The following ADAMTS19 variants were observed in gnomAD, a reference collection of about 807,000 sequenced individuals.
ADAMTS19 encodes ADAM metallopeptidase with thrombospondin type 1 motif 19, also known as A disintegrin and metalloproteinase with thrombospondin motifs 19.
Under a neutral mutation model 153.3 loss-of-function variants are expected in ADAMTS19, and 93 were observed. That is an observed-to-expected ratio of 0.61 (90% CI 0.51 to 0.72). The LOEUF (loss-of-function observed/expected upper bound fraction) is 0.72, where lower values mean the gene tolerates loss of function less well. Among genes scored for constraint, ADAMTS19 ranks in the 30% least tolerant of loss-of-function variants. The pLI is 0.00. For missense variants in ADAMTS19, 1,482 were observed against 1,552.1 expected, an observed-to-expected ratio of 0.95 and a Z score of 0.76; for synonymous variants, 600 against 556.6, an observed-to-expected ratio of 1.08 and a Z score of -1.10.
chr5:129,707,305 G>A, intron 21 of ADAMTS19, among the ~76,000 whole-genome samples: 1 of 152,212 alleles, frequency 6.6e-6, no homozygotes, highest in Non-Finnish European at 1.5e-5. Flanking sequence ...TTGCTTGTTG[G>A]CCTGTTTGTT....
At chr5:129,633,603 A>G (rs1307865870) in intron 10 of ADAMTS19, among the ~76,000 whole-genome samples, 1 of 152,190 alleles carries the variant, frequency 6.6e-6, no homozygotes, top group African/African-American at 2.4e-5. Flanking sequence ...AGCCTAAAAT[A>G]TGTACTATTT....
intron 2 of ADAMTS19, among the ~76,000 whole-genome samples, chr5:129,507,006 C>T (rs932981691): frequency 3.3e-5 from 5 of 152,024 alleles, no homozygotes; most frequent in Admixed American, 2.6e-4. Context: ...AAGTTATGAA[C>T]CCAGTTCAGA....
chr5:129,492,821 A>G (rs1416625189), intron 2 of ADAMTS19, among the ~76,000 whole-genome samples: 1 of 152,192 alleles, frequency 6.6e-6, no homozygotes, highest in African/African-American at 2.4e-5. Flanking sequence ...AGCCAGATTT[A>G]GACTATATAA....
At chr5:129,727,778 A>G (rs1458572892) in intron 21 of ADAMTS19, among the ~76,000 whole-genome samples, 2 of 152,190 alleles carry the variant, frequency 1.3e-5, no homozygotes, top group African/African-American at 4.8e-5. Flanking sequence ...TAAACACTAA[A>G]TAAGTACTAG....
chr5:129,664,500 A>G (rs1442387153), intron 15 of ADAMTS19, among the ~76,000 whole-genome samples: 1 of 152,138 alleles, frequency 6.6e-6, no homozygotes, highest in African/African-American at 2.4e-5. Flanking sequence ...AATGGAAATT[A>G]TGATTCTAAA....
chr5:129,557,989 G>C (rs968508256), intron 7 of ADAMTS19, among the ~76,000 whole-genome samples: 9 of 151,542 alleles, frequency 5.9e-5, no homozygotes, highest in Non-Finnish European at 1.0e-4. Context: ...TCCAATTAAA[G>C]ATAAAAACCA....
intron 2 of ADAMTS19, among the ~76,000 whole-genome samples, chr5:129,465,054 C>T (rs1749806421): frequency 6.6e-6 from 1 of 152,132 alleles, no homozygotes; most frequent in Non-Finnish European, 1.5e-5. Context: ...CAGGGAAATA[C>T]AATAGGTTGA....
chr5:129,529,835 T>C (rs1479198071), intron 6 of ADAMTS19, among the ~76,000 whole-genome samples: 2 of 152,052 alleles, frequency 1.3e-5, no homozygotes, highest in African/African-American at 4.8e-5. Context: ...AAATTTACCA[T>C]AGGATTGCTG....
intron 2 of ADAMTS19, among the ~76,000 whole-genome samples, chr5:129,505,257 C>T (rs2126718118): frequency 6.6e-6 from 1 of 152,114 alleles, no homozygotes; most frequent in East Asian, 1.9e-4. Flanking sequence ...GAGAAAACTT[C>T]AGATAATTGT....
chr5:129,471,959 GAA>G (rs892219059), intron 2 of ADAMTS19, among the ~76,000 whole-genome samples: 1 of 152,200 alleles, frequency 6.6e-6, no homozygotes, highest in African/African-American at 2.4e-5. Flanking sequence ...ACCATTGATG[GAA>G]AGTTAGGTTG....
chr5:129,650,145 T>C (rs1422278072), intron 13 of ADAMTS19, among the ~76,000 whole-genome samples: 1 of 152,158 alleles, frequency 6.6e-6, no homozygotes, highest in Admixed American at 6.5e-5. Context: ...TACTCTAGCC[T>C]GGGTGACAGA....
intron 21 of ADAMTS19, among the ~76,000 whole-genome samples, chr5:129,715,520 T>A (rs1461567475): frequency 1.3e-5 from 2 of 152,212 alleles, no homozygotes; most frequent in African/African-American, 4.8e-5. Flanking sequence ...ATTCGAATTG[T>A]AGTATCAGTG....
chr5:129,625,529 C>G (rs1751993171), intron 10 of ADAMTS19, among the ~76,000 whole-genome samples: 1 of 152,188 alleles, frequency 6.6e-6, no homozygotes, highest in African/African-American at 2.4e-5. Flanking sequence ...GATTGCCATT[C>G]TAACTGGTGT....
rs1581173871 is a variant in ADAMTS19 at position 129,639,517 on chromosome 5, A to G, written c.1771-2342A>G. On this transcript the variant is annotated intron_variant, in intron 10 of 22. Transcript: ENST00000274487. ...CCATGCTTCTTTTGAAAAGCTGCCA[A>G]GTTTGCTTGTATGCTCTGAGTGTCT... Among the ~76,000 whole-genome samples, 3 of 152,170 alleles carry G rather than the reference A, an allele frequency of 2.0e-5. No homozygotes were observed. The South Asian group carries it at 6.2e-4, about 32-fold the overall frequency.
chr5:129,701,837 T>G (rs1045403495), intron 20 of ADAMTS19, among the ~76,000 whole-genome samples: 2 of 152,138 alleles, frequency 1.3e-5, no homozygotes, highest in African/African-American at 4.8e-5. Flanking sequence ...TTTTAAATTC[T>G]GCATTTTTAC....
chr5:129,618,010 G>A (rs1055399066), intron 8 of ADAMTS19, among the ~76,000 whole-genome samples: 2 of 151,978 alleles, frequency 1.3e-5, no homozygotes, highest in African/African-American at 4.8e-5. Context: ...ATCATGTGAT[G>A]CAGTCATCAC....
chr5:129,721,229 A>G (rs552460823), intron 21 of ADAMTS19, among the ~76,000 whole-genome samples: 26 of 152,224 alleles, frequency 1.7e-4, no homozygotes, highest in Non-Finnish European at 3.4e-4. Context: ...GAAAGAATAC[A>G]TGAAGATGAT....
intron 6 of ADAMTS19, among the ~76,000 whole-genome samples, chr5:129,551,656 C>G (rs1051520441): frequency 6.6e-6 from 1 of 151,620 alleles, no homozygotes; most frequent in Admixed American, 6.6e-5. Flanking sequence ...TGTCTAATGT[C>G]TGAGGATTAA....
At chr5:129,701,819 T>G (rs768005397) in intron 20 of ADAMTS19, among the ~76,000 whole-genome samples, 1 of 152,102 alleles carries the variant, frequency 6.6e-6, no homozygotes, top group Non-Finnish European at 1.5e-5. Flanking sequence ...GGGCATATTT[T>G]ATACACATTT....
Sources: gnomAD v4.1 joint callset for allele counts (sites outside exome capture counted in the v4.1 genomes callset) on GRCh38, gnomAD v4.1.1 for gene constraint, MANE v1.5 for transcripts, NCBI Gene and HGNC (gene_info 2026-07-23, HGNC 2026-07-21) for gene names.